MAPK10: variants seen among roughly 807,000 people sequenced by gnomAD.
MAPK10 encodes the protein JNK3 alpha protein kinase.
Under a neutral mutation model 59.3 loss-of-function variants are expected in MAPK10, and 25 were observed. The ratio of observed to expected loss-of-function variants is 0.42; its 90% CI spans 0.31 to 0.59. MAPK10 has a LOEUF of 0.59. MAPK10 is among the 20% of genes least tolerant of loss of function. The pLI is 0.15. For missense variants in MAPK10, 351 were observed against 568.9 expected, an observed-to-expected ratio of 0.62 and a Z score of 3.90; for synonymous variants, 190 against 200.5, an observed-to-expected ratio of 0.95 and a Z score of 0.44.
At chr4:86,091,736 C>T (rs1298635992) in intron 9 of MAPK10, among the ~76,000 whole-genome samples, 8 of 151,566 alleles carry the variant, frequency 5.3e-5, no homozygotes, top group African/African-American at 1.2e-4. Context: ...TGCAGTGGCA[C>T]GATCTTGGCT....
intron 2 of MAPK10, among the ~76,000 whole-genome samples, chr4:86,316,325 A>G (rs2095787896): frequency 6.6e-6 from 1 of 152,178 alleles, no homozygotes; most frequent in African/African-American, 2.4e-5. Context: ...TTTCTATTCT[A>G]AAGTAAAATT....
intron 1 of MAPK10, among the ~76,000 whole-genome samples, chr4:86,376,669 A>T (rs1002199750): frequency 3.9e-5 from 6 of 152,232 alleles, no homozygotes; most frequent in Non-Finnish European, 7.3e-5. Context: ...AATTAATCAT[A>T]TCCATTCTAT....
intron 13 of MAPK10, chr4:86,025,429 G>T: frequency 2.5e-6 from 1 of 397,678 alleles, no homozygotes; most frequent in African/African-American, 2.1e-5. Context: ...AAACACAAAC[G>T]TAAGGGACAA....
intron 1 of MAPK10, among the ~76,000 whole-genome samples, chr4:86,391,065 T>C (rs994510943): frequency 7.2e-5 from 11 of 152,238 alleles, no homozygotes; most frequent in African/African-American, 2.4e-4. Context: ...TTTCTCCATA[T>C]TTGTACTCAT....
intron 1 of MAPK10, among the ~76,000 whole-genome samples, chr4:86,578,789 T>C (rs1762069424): frequency 6.6e-6 from 1 of 151,702 alleles, no homozygotes; most frequent in Non-Finnish European, 1.5e-5. Flanking sequence ...AGAACTTTTG[T>C]CTTGATTGAC....
At chr4:86,136,631 G>A (rs1355677735) in intron 4 of MAPK10, among the ~76,000 whole-genome samples, 7 of 148,818 alleles carry the variant, frequency 4.7e-5, no homozygotes, top group Non-Finnish European at 8.9e-5. Flanking sequence ...ATCAACTAAC[G>A]AGCAAAATCA....
intron 1 of MAPK10, among the ~76,000 whole-genome samples, chr4:86,374,041 G>A (rs1207064032): frequency 6.6e-6 from 1 of 152,114 alleles, no homozygotes; most frequent in Non-Finnish European, 1.5e-5. Context: ...TAAAGAAAAT[G>A]TGGCACATAT....
At chr4:86,484,357 A>C (rs1306684234) in intron 1 of MAPK10, among the ~76,000 whole-genome samples, 1 of 152,156 alleles carries the variant, frequency 6.6e-6, no homozygotes, top group Non-Finnish European at 1.5e-5. Flanking sequence ...AACTTGTCCA[A>C]GTTCATCTAG....
chr4:86,231,297 T>G (rs1458083704), intron 2 of MAPK10, among the ~76,000 whole-genome samples: 4 of 152,224 alleles, frequency 2.6e-5, no homozygotes, highest in African/African-American at 9.7e-5. Context: ...GTTTTTTATT[T>G]GAAATTCACC....
chr4:86,361,077 G>A (rs1424468865), upstream of MAPK10, among the ~76,000 whole-genome samples: 4 of 152,070 alleles, frequency 2.6e-5, no homozygotes, highest in African/African-American at 9.7e-5. Context: ...TTATGTTTTA[G>A]AACTAGCATA....
intron 1 of MAPK10, among the ~76,000 whole-genome samples, chr4:86,389,418 G>T (rs764261378): frequency 6.6e-6 from 1 of 152,172 alleles, no homozygotes; most frequent in Non-Finnish European, 1.5e-5. Context: ...TAATACTACT[G>T]TATAACATTT....
In MAPK10 at chr4:86,015,558, G is replaced by A. The variant is rs899673434; in HGVS notation, c.*1670C>T. 13 of 152,140 alleles carry A rather than the reference G, an allele frequency of 8.5e-5. No homozygotes were observed. Among genetic ancestry groups the A allele is most frequent in the Admixed American group, 7.9e-4 (12 of 15,272 alleles). The allele number at this position is 152,140 out of a possible 1,614,324, so 9.4% of individuals were successfully genotyped here. A position where few individuals can be genotyped will look rare whatever the true frequency, so the allele number is the denominator to read the frequency against. ...GCCTGATTATTGCTGAGATCACCTT[G>A]GTATTGCCTTGTACATAACCAAGAT... On this transcript the variant is annotated 3_prime_UTR_variant, in exon 14 of 14. Transcript: ENST00000641462.
intron 11 of MAPK10, among the ~76,000 whole-genome samples, chr4:86,036,940 T>C (rs753369961): frequency 5.9e-5 from 9 of 152,212 alleles, no homozygotes; most frequent in Non-Finnish European, 1.0e-4. Flanking sequence ...AGAAAACAAC[T>C]GAATTGCAAT....
chr4:86,439,664 G>A (rs1392412110), intron 1 of MAPK10, among the ~76,000 whole-genome samples: 1 of 152,212 alleles, frequency 6.6e-6, no homozygotes, highest in East Asian at 1.9e-4. Context: ...TAAAGAAACT[G>A]TCAGACGGTT....
intron 3 of MAPK10, among the ~76,000 whole-genome samples, chr4:86,177,199 T>A (rs1040131139): frequency 6.6e-6 from 1 of 152,094 alleles, no homozygotes; most frequent in East Asian, 1.9e-4. Flanking sequence ...TTAAGCCATA[T>A]GTGTATCAGG....
At chr4:86,036,684 C>T (rs138994186) in intron 11 of MAPK10, among the ~76,000 whole-genome samples, 1 of 152,192 alleles carries the variant, frequency 6.6e-6, no homozygotes, top group African/African-American at 2.4e-5. Context: ...ACTAATAAAA[C>T]AATATTTAAA....
At chr4:86,033,860 T>C (rs1489777515) in intron 11 of MAPK10, among the ~76,000 whole-genome samples, 1 of 152,212 alleles carries the variant, frequency 6.6e-6, no homozygotes, top group Admixed American at 6.5e-5. Context: ...AAAAGAATAA[T>C]TGACCAATAA....
upstream of MAPK10, among the ~76,000 whole-genome samples, chr4:86,456,844 G>A (rs368443481): frequency 1.8e-4 from 28 of 152,090 alleles, no homozygotes; most frequent in South Asian, 5.6e-3. Context: ...ACCAGGAAAG[G>A]ACATAACCAA....
chr4:86,557,426 G>T (rs1421283751), intron 1 of MAPK10, among the ~76,000 whole-genome samples: 1 of 151,956 alleles, frequency 6.6e-6, no homozygotes, highest in Non-Finnish European at 1.5e-5. Flanking sequence ...AAAAACTAGT[G>T]TATTTTTTTA....
Sources: allele counts gnomAD v4.1 joint callset (sites outside exome capture counted in the v4.1 genomes callset), GRCh38; gene constraint gnomAD v4.1.1; transcripts MANE v1.5; gene names NCBI Gene and HGNC (gene_info 2026-07-23, HGNC 2026-07-21).